Variants in GUCY1A2 observed in about 807,000 individuals in gnomAD.
GUCY1A2 encodes the protein guanylate cyclase soluble subunit alpha-2.
Under a neutral mutation model 63.5 loss-of-function variants are expected in GUCY1A2, and 27 were observed. That is an observed-to-expected ratio of 0.43 (90% CI 0.31 to 0.59). GUCY1A2 has a LOEUF of 0.59. Among genes scored for constraint, GUCY1A2 ranks in the 20% least tolerant of loss-of-function variants. The pLI is 0.11. For missense variants in GUCY1A2, 768 were observed against 913.3 expected (o/e 0.84, Z 2.05); for synonymous variants, 364 against 343.5 (o/e 1.06, Z -0.66).
At chr11:106,976,404 C>T (rs1468227012) in intron 3 of GUCY1A2, among the ~76,000 whole-genome samples, 3 of 152,042 alleles carry the variant, frequency 2.0e-5, no homozygotes, top group African/African-American at 7.2e-5. Flanking sequence ...TATATGATTA[C>T]AGAAGAGAAT....
At chr11:106,999,419 C>T (rs1349633379) in intron 1 of GUCY1A2, among the ~76,000 whole-genome samples, 1 of 152,144 alleles carries the variant, frequency 6.6e-6, no homozygotes, top group African/African-American at 2.4e-5. Context: ...ATTAGTCACT[C>T]TGGAAGAGCA....
chr11:106,677,431 T>C lies in GUCY1A2; in HGVS notation c.*10118A>G, dbSNP rs1378215755. On this transcript the variant is annotated 3_prime_UTR_variant, in exon 8 of 8. Coordinates refer to ENST00000526355, the MANE Select transcript of GUCY1A2 (RefSeq NM_000855.3). ...CTCATTAGCACAAAAAATATACTAATGTTTAATTAGATAATGCAGCAAATA... is the reference window on the plus strand; with the variant it reads ...CTCATTAGCACAAAAAATATACTAACGTTTAATTAGATAATGCAGCAAATA... 1 of 207,966 alleles carries C rather than the reference T, an allele frequency of 4.8e-6. No homozygotes were observed. The allele number at this position is 207,966 out of a possible 1,614,324, so 12.9% of individuals were successfully genotyped here.
At chr11:106,711,876 T>C (rs1475539738) in intron 6 of GUCY1A2, among the ~76,000 whole-genome samples, 1 of 152,164 alleles carries the variant, frequency 6.6e-6, no homozygotes, top group Non-Finnish European at 1.5e-5. Flanking sequence ...CTGGCTCCCA[T>C]CTTGCATCAT....
intron 4 of GUCY1A2, among the ~76,000 whole-genome samples, chr11:106,815,546 T>G (rs1350594136): frequency 6.6e-6 from 1 of 151,548 alleles, no homozygotes; most frequent in Non-Finnish European, 1.5e-5. Context: ...AAGAAAGGTC[T>G]TTAAACAGAA....
At chr11:106,936,847 T>C in intron 4 of GUCY1A2, 1 of 530,276 alleles carries the variant, frequency 1.9e-6, no homozygotes. Flanking sequence ...CATTTTCTTA[T>C]AAAAGCCAAC....
chr11:106,990,031 GAAAGGAGA>G (rs1212072873), intron 1 of GUCY1A2, among the ~76,000 whole-genome samples: 1 of 152,188 alleles, frequency 6.6e-6, no homozygotes, highest in Non-Finnish European at 1.5e-5. Context: ...ACGAGGGTGG[GAAAGGAGA>G]AAATCTACTG....
At chr11:106,713,000 T>C (rs1445533003) in intron 6 of GUCY1A2, among the ~76,000 whole-genome samples, 1 of 152,194 alleles carries the variant, frequency 6.6e-6, no homozygotes, top group Non-Finnish European at 1.5e-5. Flanking sequence ...TCTCTGATAC[T>C]CTGTCTATGA....
chr11:106,913,577 A>G (rs1860325588), intron 4 of GUCY1A2, among the ~76,000 whole-genome samples: 4 of 152,104 alleles, frequency 2.6e-5, no homozygotes, highest in Admixed American at 1.3e-4. Context: ...GCACTGCCAC[A>G]CTGGGGATTA....
chr11:106,783,178 G>C (rs1864495691), intron 5 of GUCY1A2, among the ~76,000 whole-genome samples: 1 of 152,168 alleles, frequency 6.6e-6, no homozygotes, highest in Admixed American at 6.5e-5. Context: ...ACACAGACAA[G>C]GGTTCAAGCC....
Position 106,738,643 on chromosome 11 carries a change from T to C in GUCY1A2, c.1837-29977A>G, listed in dbSNP as rs188881116. 3.7e-3 allele frequency among the ~76,000 whole-genome samples: 561 copies of C among 152,350 alleles called. 2 individuals are homozygous for C. Among genetic ancestry groups the C allele is most frequent in the African/African-American group, 0.013 (524 of 41,596 alleles). ...AGTTTTCCCAACACCATTTATTAAA[T>C]AGGGAATCCTTTCCCCATTTCTTGT... On this transcript the variant is annotated intron_variant, in intron 6 of 7. Transcript: ENST00000526355.
intron 2 of GUCY1A2, among the ~76,000 whole-genome samples, chr11:106,980,292 C>T (rs1383727938): frequency 6.6e-6 from 1 of 152,160 alleles, no homozygotes; most frequent in Non-Finnish European, 1.5e-5. Context: ...ACAGGGCTCC[C>T]ACTAGCAAGA....
intron 3 of GUCY1A2, among the ~76,000 whole-genome samples, chr11:106,957,749 AT>A (rs1204814263): frequency 1.3e-5 from 2 of 151,784 alleles, no homozygotes; most frequent in African/African-American, 2.4e-5. Flanking sequence ...TCCAAAAAAA[AT>A]GGTCACTTTT....
At chr11:106,914,395 T>C (rs1349669001) in intron 4 of GUCY1A2, among the ~76,000 whole-genome samples, 1 of 152,120 alleles carries the variant, frequency 6.6e-6, no homozygotes, top group East Asian at 1.9e-4. Context: ...ATTACTCTGA[T>C]GCCATCAACA....
intron 4 of GUCY1A2, among the ~76,000 whole-genome samples, chr11:106,930,254 C>T (rs570434629): frequency 3.3e-5 from 5 of 152,272 alleles, no homozygotes; most frequent in African/African-American, 1.2e-4. Context: ...AAACAAGCTT[C>T]AAAAAGTTAA....
chr11:106,962,565 A>C (rs933472730), intron 3 of GUCY1A2, among the ~76,000 whole-genome samples: 20 of 151,454 alleles, frequency 1.3e-4, no homozygotes, highest in Non-Finnish European at 2.9e-5. Flanking sequence ...AAAAAAAAAA[A>C]AAAACTAGAA....
chr11:106,879,988 C>A (rs1336160182), intron 4 of GUCY1A2, among the ~76,000 whole-genome samples: 1 of 151,848 alleles, frequency 6.6e-6, no homozygotes, highest in East Asian at 1.9e-4. Flanking sequence ...CTTAACCATA[C>A]CCTTAGAATG....
At chr11:106,795,152 T>G (rs2135414692) in intron 5 of GUCY1A2, among the ~76,000 whole-genome samples, 1 of 152,306 alleles carries the variant, frequency 6.6e-6, no homozygotes, top group Middle Eastern at 3.4e-3. Context: ...GTTACGTGAC[T>G]TACTCAGTTA....
intron 5 of GUCY1A2, among the ~76,000 whole-genome samples, chr11:106,792,369 G>C (rs1864678993): frequency 8.6e-6 from 1 of 115,902 alleles, no homozygotes; most frequent in Non-Finnish European, 1.6e-5. Flanking sequence ...CTGGGCAACA[G>C]AGTGAGACTC....
At chr11:106,984,200 T>C (rs17106274) in intron 2 of GUCY1A2, among the ~76,000 whole-genome samples, 8,331 of 152,190 alleles carry the variant, frequency 0.055, 739 homozygotes, top group East Asian at 0.3. Flanking sequence ...GTACTTCAAG[T>C]CCAAGAAATC....
Sources: gnomAD v4.1 joint callset for allele counts (sites outside exome capture counted in the v4.1 genomes callset) on GRCh38, gnomAD v4.1.1 for gene constraint, MANE v1.5 for transcripts, NCBI Gene and HGNC (gene_info 2026-07-23, HGNC 2026-07-21) for gene names.